Variants in C8orf34 observed in about 807,000 individuals in gnomAD.
The protein encoded by C8orf34 is chromosome 8 open reading frame 34.
In C8orf34, 65 loss-of-function variants were observed where a neutral mutation model predicts 68.3. That is an observed-to-expected ratio of 0.95 (90% CI 0.78 to 1.17). The LOEUF (loss-of-function observed/expected upper bound fraction) is 1.17. Among genes scored for constraint, C8orf34 ranks in the 50% most tolerant of loss-of-function variants. The pLI is 0.00. For synonymous variants in C8orf34, 244 were observed against 241.2 expected, an observed-to-expected ratio of 1.01 and a Z score of -0.11; for missense variants, 664 against 655.4, an observed-to-expected ratio of 1.01 and a Z score of -0.14.
At chr8:68,758,061 G>A (rs1464319298) in intron 10 of C8orf34, among the ~76,000 whole-genome samples, 2 of 152,206 alleles carry the variant, frequency 1.3e-5, no homozygotes, top group African/African-American at 4.8e-5. Flanking sequence ...TTTACTGCGT[G>A]CCTGCTGTGT....
chr8:68,455,716 C>T (rs75319819), intron 3 of C8orf34, among the ~76,000 whole-genome samples: 2,113 of 151,740 alleles, frequency 0.014, 38 homozygotes, highest in East Asian at 0.096. Flanking sequence ...GAATGCTATT[C>T]GATACAAATT....
intron 1 of C8orf34, among the ~76,000 whole-genome samples, chr8:68,433,620 T>G (rs1342981914): frequency 1.3e-5 from 2 of 151,982 alleles, no homozygotes; most frequent in Non-Finnish European, 2.9e-5. Context: ...AGAGCCAGGG[T>G]TTTTAACCTG....
At chr8:68,622,632 C>A (rs542337506) in intron 7 of C8orf34, among the ~76,000 whole-genome samples, 1 of 152,154 alleles carries the variant, frequency 6.6e-6, no homozygotes, top group Admixed American at 6.5e-5. Flanking sequence ...AGATAAATAT[C>A]AAGATAGCAT....
intron 8 of C8orf34, among the ~76,000 whole-genome samples, chr8:68,669,980 C>T (rs1033237817): frequency 6.6e-6 from 1 of 152,170 alleles, no homozygotes; most frequent in African/African-American, 2.4e-5. Context: ...TTATACCTCC[C>T]AGACACAAGA....
intron 10 of C8orf34, 98 bp downstream of exon 10, chr8:68,721,535 ACTGAT>A: frequency 1.3e-6 from 1 of 798,428 alleles, no homozygotes; most frequent in South Asian, 1.7e-5. Flanking sequence ...CAGCTTTCTT[ACTGAT>A]TAATTAGGCT....
At chr8:68,397,833 A>G (rs1237128415) in intron 1 of C8orf34, among the ~76,000 whole-genome samples, 1 of 152,132 alleles carries the variant, frequency 6.6e-6, no homozygotes, top group Non-Finnish European at 1.5e-5. Flanking sequence ...CAATGGCATT[A>G]TGTCAGCTCA....
At chr8:68,790,380 T>C (rs1221668592) in intron 12 of C8orf34, among the ~76,000 whole-genome samples, 3 of 152,228 alleles carry the variant, frequency 2.0e-5, no homozygotes, top group African/African-American at 7.2e-5. Context: ...GTTTCTTGAC[T>C]CAGCTTTCTA....
chr8:68,492,862 G>T (rs1813373776), intron 5 of C8orf34, among the ~76,000 whole-genome samples: 2 of 151,522 alleles, frequency 1.3e-5, no homozygotes, highest in Admixed American at 6.6e-5. Context: ...TCAAGAAGTA[G>T]CCCAGTATTC....
intron 12 of C8orf34, among the ~76,000 whole-genome samples, chr8:68,808,612 A>G (rs1824554233): frequency 6.6e-6 from 1 of 151,602 alleles, no homozygotes; most frequent in Non-Finnish European, 1.5e-5. Context: ...TTTATACTGT[A>G]TTAGTTATTA....
At chr8:68,698,457 A>G (rs1319820196) in intron 8 of C8orf34, among the ~76,000 whole-genome samples, 1 of 152,080 alleles carries the variant, frequency 6.6e-6, no homozygotes, top group Non-Finnish European at 1.5e-5. Flanking sequence ...TAGCCACCAG[A>G]GAGAAGGAGA....
intron 3 of C8orf34, among the ~76,000 whole-genome samples, chr8:68,454,873 G>T (rs1424091355): frequency 6.6e-6 from 1 of 151,668 alleles, no homozygotes; most frequent in Non-Finnish European, 1.5e-5. Flanking sequence ...TTTATTAATG[G>T]GGACATTTAC....
intron 8 of C8orf34, among the ~76,000 whole-genome samples, chr8:68,670,576 C>G (rs1004099620): frequency 3.9e-5 from 6 of 152,132 alleles, no homozygotes; most frequent in African/African-American, 1.4e-4. Context: ...CTGCAAAGCT[C>G]AGAGGAAACT....
intron 7 of C8orf34, among the ~76,000 whole-genome samples, chr8:68,636,633 T>C (rs6989204): frequency 0.33 from 49,636 of 151,982 alleles, 9,638 homozygotes; most frequent in Non-Finnish European, 0.43. Flanking sequence ...TCCCTTCCTT[T>C]GGTCACTCTC....
At chr8:68,598,371 A>C (rs16934738) in intron 7 of C8orf34, among the ~76,000 whole-genome samples, 10,303 of 152,216 alleles carry the variant, frequency 0.068, 408 homozygotes, top group Middle Eastern at 0.13. Context: ...ATGGAGATCA[A>C]AAGCTACGGG....
chr8:68,455,886 C>T (rs1811526401), intron 3 of C8orf34, among the ~76,000 whole-genome samples: 1 of 151,520 alleles, frequency 6.6e-6, no homozygotes, highest in Non-Finnish European at 1.5e-5. Context: ...AGGAAAAAGA[C>T]ATAAATATTT....
rs1263634803 is a variant in C8orf34, at chr8:68,712,310, G to A, written c.1327+3231G>A. ...AACTTGGGTATTCAGGCAACAAACA[G>A]CACAACGAATAGAATACTACCTCAC... On this transcript the variant is annotated intron_variant, in intron 9 of 13. Transcript: ENST00000518698. Among the ~76,000 whole-genome samples the A allele has an allele frequency of 2.0e-5, 3 of 151,990 alleles. No individual in the cohort carries two copies. The East Asian group carries it at 5.8e-4, about 29-fold the overall frequency.
rs77917481 is a variant in C8orf34, at chr8:68,354,675, C to T, written c.327+23336C>T. On this transcript the variant is annotated intron_variant, in intron 1 of 13. Transcript: ENST00000518698. ...ATTTCTCTGTGTCTCCTAGAGGTCA[C>T]AGTCTATTGAGATAGAGAGGGCTTA... Among the ~76,000 whole-genome samples the T allele has an allele frequency of 7.4e-3, 1,132 of 152,208 alleles. 15 individuals are homozygous for T. The highest frequency in any genetic ancestry group is 0.025 in the African/African-American group (1,046 of 41,554).
chr8:68,587,584 G>C (rs958647592), intron 7 of C8orf34, among the ~76,000 whole-genome samples: 1 of 151,826 alleles, frequency 6.6e-6, no homozygotes, highest in African/African-American at 2.4e-5. Flanking sequence ...AAAAAATATA[G>C]ATTCAAGAAA....
intron 3 of C8orf34, among the ~76,000 whole-genome samples, chr8:68,459,216 ACT>A (rs1811679861): frequency 6.6e-6 from 1 of 151,572 alleles, no homozygotes; most frequent in Non-Finnish European, 1.5e-5. Flanking sequence ...AACTCAGGGA[ACT>A]CTTTCATTTT....
Sources: allele counts gnomAD v4.1 joint callset (sites outside exome capture counted in the v4.1 genomes callset), GRCh38; gene constraint gnomAD v4.1.1; transcripts MANE v1.5; gene names NCBI Gene and HGNC (gene_info 2026-07-23, HGNC 2026-07-21).